Variants in ZNF676 observed in about 807,000 individuals in gnomAD.
ZNF676 encodes zinc finger protein 676.
A neutral mutation model predicts 6.0 loss-of-function variants in ZNF676; 4 were observed. The ratio of observed to expected loss-of-function variants is 0.67; its 90% CI spans 0.33 to 1.53. The LOEUF is 1.53. Among genes scored for constraint, ZNF676 ranks in the 40% most tolerant of loss-of-function variants. The pLI is 0.06. For synonymous variants in ZNF676, 198 were observed against 223.1 expected, an observed-to-expected ratio of 0.89 and a Z score of 1.00; for missense variants, 644 against 679.7, an observed-to-expected ratio of 0.95 and a Z score of 0.58.
rs763936304 is a variant in ZNF676, at chr19:22,181,550, T to C, written c.167A>G (p.Glu56Gly). 1.3e-6 allele frequency: 2 copies of C among 1,594,178 alleles called. No homozygotes were observed. The highest frequency in any genetic ancestry group is 2.3e-5 in the South Asian group (2 of 87,694). ...TTGGAAAGAATCTTCTATGCCTTGCTCTGGCCAAAACTCTTGGGAAAAATG... is the reference window on the plus strand; with the variant it reads ...TTGGAAAGAATCTTCTATGCCTTGCCCTGGCCAAAACTCTTGGGAAAAATG... ...CSHFSQEFWP[E>G]QGIEDSFQKM... is the part of the protein sequence containing the mutation. Residue 56 changes from glutamate (E) to glycine (G), a missense_variant, in exon 3 of 3, where the codon GAG (glutamate) becomes GGG (glycine). By Grantham distance (98) the Glu-to-Gly change is moderately conservative. Around this residue, in one of 5 missense-constraint regions of ZNF676, gnomAD observed 280 missense variants for 269.3 expected, o/e 1.04. Coordinates refer to ENST00000397121, the MANE Select transcript of ZNF676 (RefSeq NM_001001411.3).
rs548963692 is a variant in ZNF676, at chr19:22,183,132, C to T, written c.131-1546G>A. ...GATACCACACAAAAAAATCTGTATA[C>T]ATACACAAAAGAAAAATAAGAAAAT... On this transcript the variant is annotated intron_variant, in intron 2 of 2. Transcript: ENST00000397121. Among the ~76,000 whole-genome samples, 7 of 151,590 alleles carry T rather than the reference C, an allele frequency of 4.6e-5. No individual in the cohort carries two copies. The South Asian group carries it at 1.5e-3, about 32-fold the overall frequency.
In ZNF676 at chr19:22,191,684, G is replaced by C. The variant is rs147470311; in HGVS notation, c.130+1332C>G. Among the ~76,000 whole-genome samples, 620 of 152,232 alleles carry C rather than the reference G, an allele frequency of 4.1e-3. 5 individuals are homozygous for C. The highest frequency in any genetic ancestry group is 0.014 in the African/African-American group (588 of 41,546). On this transcript the variant is annotated intron_variant, in intron 2 of 2. Transcript: ENST00000397121. ...CTACCCTACTGAGCAACGTCCTGAA[G>C]GATATTTACTCTGTCCAAAAATAAA...
chr19:22,187,675 T>C (rs1405345732), intron 2 of ZNF676, among the ~76,000 whole-genome samples: 3 of 151,196 alleles, frequency 2.0e-5, no homozygotes, highest in African/African-American at 4.9e-5. Flanking sequence ...CAATCAAAAA[T>C]AATAAAGGGG....
At chr19:22,212,941 G>A (rs1172672841) in intron 1 of ZNF676, among the ~76,000 whole-genome samples, 1 of 151,936 alleles carries the variant, frequency 6.6e-6, no homozygotes, top group Admixed American at 6.6e-5. Context: ...GTTACAGTGA[G>A]CAGAGATCAT....
At chr19:22,226,598 CT>C in the ZNF676 span, among the ~76,000 whole-genome samples, 1 of 144,782 alleles carries the variant, frequency 6.9e-6, no homozygotes, top group Non-Finnish European at 1.5e-5. Flanking sequence ...AGGGATCTTG[CT>C]TTTTTTTTTT....
chr19:22,247,032 C>T, the ZNF676 span, among the ~76,000 whole-genome samples: 1 of 152,176 alleles, frequency 6.6e-6, no homozygotes, highest in African/African-American at 2.4e-5. Context: ...TAACAGCTTT[C>T]TGGCAAATTA....
At chr19:22,255,354 C>T in the ZNF676 span, among the ~76,000 whole-genome samples, 15 of 152,202 alleles carry the variant, frequency 9.9e-5, 1 homozygote, top group South Asian at 3.1e-3. Flanking sequence ...GTGTGCTTGG[C>T]CCTTTAGGAC....
At chr19:22,256,828 C>T in the ZNF676 span, among the ~76,000 whole-genome samples, 1 of 152,034 alleles carries the variant, frequency 6.6e-6, no homozygotes, top group South Asian at 2.1e-4. Flanking sequence ...TATCTTAATA[C>T]CCCTGTAAAT....
chr19:22,212,168 C>A (rs190069979), intron 1 of ZNF676, among the ~76,000 whole-genome samples: 69 of 142,962 alleles, frequency 4.8e-4, no homozygotes, highest in Non-Finnish European at 8.2e-4. Context: ...CCACTGCACT[C>A]CAGCCTGGGT....
chr19:22,211,827 G>A (rs561822752), intron 1 of ZNF676, among the ~76,000 whole-genome samples: 4 of 152,106 alleles, frequency 2.6e-5, no homozygotes, highest in South Asian at 2.1e-4. Context: ...TAGCCAAAAC[G>A]GAAGAAAAAA....
chr19:22,212,498 T>C, intron 1 of ZNF676, among the ~76,000 whole-genome samples: 2 of 151,260 alleles, frequency 1.3e-5, no homozygotes, highest in Admixed American at 1.3e-4. Flanking sequence ...GTCAGAATTT[T>C]GAGCTCAAAC....
At chr19:22,254,063 C>G in the ZNF676 span, among the ~76,000 whole-genome samples, 1 of 152,146 alleles carries the variant, frequency 6.6e-6, no homozygotes, top group South Asian at 2.1e-4. Flanking sequence ...ACAATTCTAC[C>G]TGTGGGTAGG....
At chr19:22,195,490 CT>C (rs2023958123) in intron 1 of ZNF676, among the ~76,000 whole-genome samples, 1 of 152,148 alleles carries the variant, frequency 6.6e-6, no homozygotes, top group African/African-American at 2.4e-5. Flanking sequence ...CTATTGTTTC[CT>C]TGGTCACACT....
At chr19:22,181,840 C>G (rs2023758849) in intron 2 of ZNF676, among the ~76,000 whole-genome samples, 1 of 151,936 alleles carries the variant, frequency 6.6e-6, no homozygotes, top group South Asian at 2.1e-4. Flanking sequence ...ACATAGAAAA[C>G]AAGAAAAGTT....
At chr19:22,203,048 G>A (rs568717632) in intron 1 of ZNF676, 1 of 152,262 alleles carries the variant, frequency 6.6e-6, no homozygotes, top group East Asian at 1.9e-4. Context: ...CTGAGGCACA[G>A]CCCACAGCAC....
At chr19:22,185,943 T>C (rs892689185) in intron 2 of ZNF676, among the ~76,000 whole-genome samples, 3 of 151,960 alleles carry the variant, frequency 2.0e-5, no homozygotes, top group Non-Finnish European at 4.4e-5. Context: ...TGGAACCAAG[T>C]AGGAAAACAC....
exon 1 of ZNF676, chr19:22,215,747 C>T (rs2024178127): frequency 2.2e-6 from 3 of 1,363,458 alleles, no homozygotes; most frequent in Non-Finnish European, 3.0e-6. Flanking sequence ...GCCTTTACCT[C>T]CGGCTGCAGC....
chr19:22,188,425 T>C (rs1599712042), intron 2 of ZNF676, among the ~76,000 whole-genome samples: 1 of 152,000 alleles, frequency 6.6e-6, no homozygotes, highest in Non-Finnish European at 1.5e-5. Flanking sequence ...GGCAAAACTG[T>C]AAGCATTCCC....
At chr19:22,204,939 T>C in intron 1 of ZNF676, among the ~76,000 whole-genome samples, 1 of 152,202 alleles carries the variant, frequency 6.6e-6, no homozygotes, top group East Asian at 1.9e-4. Context: ...AACCTTTTTT[T>C]AAAAATCAGC....
Sources: gnomAD v4.1 joint callset for allele counts (sites outside exome capture counted in the v4.1 genomes callset) on GRCh38, gnomAD v4.1.1 for gene constraint, gnomAD v4.1.1 regional missense constraint, MANE v1.5 for transcripts, NCBI Gene and HGNC (gene_info 2026-07-23, HGNC 2026-07-21) for gene names.